The following DHX37 variants were observed in gnomAD, a reference collection of about 807,000 sequenced individuals.
DHX37 encodes probable ATP-dependent RNA helicase DHX37.
In DHX37, 52 loss-of-function variants were observed where a neutral mutation model predicts 134.3. That is an observed-to-expected ratio of 0.39 (90% CI 0.31 to 0.49). The LOEUF (loss-of-function observed/expected upper bound fraction) is 0.49. Ranked by LOEUF, DHX37 falls within the 20% of genes least tolerant of loss-of-function variation. The probability of loss-of-function intolerance (pLI) is 0.93; values close to 1 mark genes in which losing one functional copy is unlikely to be tolerated. For synonymous variants in DHX37, 634 were observed against 670.7 expected (o/e 0.95, Z 0.85); for missense variants, 1,344 against 1,580.8 (o/e 0.85, Z 2.54).
chr12:124,977,796 G>A (rs538092113), intron 4 of DHX37, among the ~76,000 whole-genome samples: 2 of 152,268 alleles, frequency 1.3e-5, no homozygotes, highest in South Asian at 2.1e-4. Context: ...CAGCCACTTC[G>A]ATAAATAATC....
intron 1 of DHX37, among the ~76,000 whole-genome samples, chr12:124,987,002 C>T (rs1200410127): frequency 6.6e-6 from 1 of 152,178 alleles, no homozygotes; most frequent in Non-Finnish European, 1.5e-5. Flanking sequence ...CCGCCTCAGC[C>T]TCCCAAAGTG....
At chr12:124,977,647 C>T (rs915429374) in intron 4 of DHX37, 157 bp from the exon 5 acceptor site, 20 of 442,028 alleles carry the variant, frequency 4.5e-5, no homozygotes, top group African/African-American at 1.9e-4. Flanking sequence ...AGCCATGGTC[C>T]AGGAGAGACA....
chr12:124,965,588 C>CG (rs1224988003), intron 13 of DHX37, 80 bp downstream of exon 13: 25 of 1,466,090 alleles, frequency 1.7e-5, no homozygotes, highest in Admixed American at 2.4e-5. Flanking sequence ...CCCCGGCCCC[C>CG]GGGGGGCCCA....
intron 4 of DHX37, among the ~76,000 whole-genome samples, chr12:124,978,742 T>C (rs976152646): frequency 6.6e-6 from 1 of 151,132 alleles, no homozygotes; most frequent in Non-Finnish European, 1.5e-5. Flanking sequence ...CTGGGCAACA[T>C]AGCCAGACTC....
intron 4 of DHX37, among the ~76,000 whole-genome samples, chr12:124,979,524 A>G (rs1954713977): frequency 6.6e-6 from 1 of 152,264 alleles, no homozygotes; most frequent in Admixed American, 6.5e-5. Flanking sequence ...GCCTGCATCA[A>G]CATGGATGTA....
intron 20 of DHX37, chr12:124,953,668 A>C (rs977372143): frequency 4.9e-6 from 4 of 820,906 alleles, no homozygotes; most frequent in Non-Finnish European, 7.3e-6. Context: ...GGGAGGGTGC[A>C]GGCTGGCAGC....
intron 4 of DHX37, among the ~76,000 whole-genome samples, chr12:124,977,725 GCAGT>G (rs1954674803): frequency 6.6e-6 from 1 of 152,196 alleles, no homozygotes. Flanking sequence ...TTGGGGCAGA[GCAGT>G]CTCTCAGAGA....
intron 9 of DHX37, 34 bp from the exon 10 acceptor site, chr12:124,968,682 G>GC (rs1566340865): frequency 6.2e-7 from 1 of 1,613,458 alleles, no homozygotes; most frequent in African/African-American, 1.3e-5. Flanking sequence ...GGGGAGTGGG[G>GC]GGGACACGAG....
Position 124,971,209 on chromosome 12 carries a change from A to G in DHX37, c.1191+93T>C, listed in dbSNP as rs1335802598. On this transcript the variant is annotated intron_variant, in intron 8 of 26. Coordinates refer to ENST00000308736, the MANE Select transcript of DHX37 (RefSeq NM_032656.4). ...CCTGCTCATGGCAGCAGCCCAGGGT[A>G]CAACGGGGAACAGGTGAAGGAAGCC... is the stretch of plus-strand genomic sequence containing the variant. 2.6e-6 allele frequency: 4 copies of G among 1,525,506 alleles called. No individual in the cohort carries two copies. In the African/African-American group the frequency reaches 5.5e-5, roughly 21 times the overall value. 94.5% of individuals were successfully genotyped at this position (1,525,506 alleles called of 1,614,324 possible).
At position 124,989,062 on chromosome 12, in the gene DHX37, G is replaced by C; in HGVS notation, c.-40C>G. 7.8e-7 allele frequency: 1 copy of C among 1,286,666 alleles called. No homozygotes were observed. Among genetic ancestry groups the C allele is most frequent in the East Asian group, 3.0e-5 (1 of 32,860 alleles). The allele number at this position is 1,286,666 out of a possible 1,614,324, so 79.7% of individuals were successfully genotyped here. The stretch of plus-strand genomic sequence containing the variant: ...GGTGGGCGCTCCAGCGGCCGGACCA[G>C]CAGAGCAATCCGAAACCCAGCCCAC... On this transcript the variant is annotated 5_prime_UTR_variant, in exon 1 of 27. Transcript: ENST00000308736.
rs752063031 is a variant in DHX37, at chr12:124,971,417, TG to T, written c.1078-3del. On this transcript the variant is annotated splice_polypyrimidine_tract_variant and splice_region_variant and intron_variant, in intron 7 of 26. Coordinates refer to ENST00000308736, the MANE Select transcript of DHX37 (RefSeq NM_032656.4). ...CTTGTACCGCAGCAGCAGGAAGTCC[TG>T]GGGGGAGGTCCGGGGTGAGGCCCAC... 1.2e-6 allele frequency: 2 copies of T among 1,612,686 alleles called. No homozygotes were observed. Among genetic ancestry groups the T allele is most frequent in the Middle Eastern group, 1.7e-4 (1 of 5,928 alleles).
intron 11 of DHX37, 68 bp downstream of exon 11, chr12:124,967,055 C>A: frequency 6.3e-7 from 1 of 1,582,450 alleles, no homozygotes; most frequent in South Asian, 1.1e-5. Context: ...GAGCTGCACC[C>A]CAGCCAGGGA....
intron 16 of DHX37, among the ~76,000 whole-genome samples, chr12:124,959,753 T>C (rs1488363658): frequency 2.0e-5 from 3 of 152,118 alleles, no homozygotes; most frequent in Non-Finnish European, 4.4e-5. Context: ...TCCAGAAAAA[T>C]CAGTGAGCAC....
intron 8 of DHX37, among the ~76,000 whole-genome samples, 167 bp from the exon 9 acceptor site, chr12:124,969,135 C>T (rs945678661): frequency 2.6e-5 from 4 of 152,100 alleles, no homozygotes; most frequent in African/African-American, 9.7e-5. Context: ...AATAGTGGGA[C>T]CTGCCGCTCC....
At chr12:124,963,201 G>A (rs936832173) in intron 15 of DHX37, among the ~76,000 whole-genome samples, 4 of 152,180 alleles carry the variant, frequency 2.6e-5, no homozygotes, top group Non-Finnish European at 5.9e-5. Context: ...CCTGCCACCC[G>A]GGGTGAGCCT....
At chr12:124,958,417 C>T (rs1276113189) in intron 16 of DHX37, among the ~76,000 whole-genome samples, 1 of 152,096 alleles carries the variant, frequency 6.6e-6, no homozygotes. Context: ...GGAGGCACTC[C>T]CGACAGTGCT....
intron 1 of DHX37, 105 bp downstream of exon 1, chr12:124,988,812 G>T: frequency 1.7e-6 from 1 of 585,518 alleles, no homozygotes; most frequent in East Asian, 3.3e-5. Flanking sequence ...CATTCCAGAT[G>T]ATCCATCCCA....
chr12:124,976,794 C>A (rs1356415016), intron 5 of DHX37, among the ~76,000 whole-genome samples: 1 of 145,332 alleles, frequency 6.9e-6, no homozygotes, highest in Non-Finnish European at 1.5e-5. Context: ...CGCGCCACTA[C>A]ACTCCAGCCT....
Position 124,980,328 on chromosome 12 carries a change from C to T in DHX37, c.738+162G>A, listed in dbSNP as rs986743389. 6.6e-6 allele frequency among the ~76,000 whole-genome samples: 1 copy of T among 152,264 alleles called. No individual in the cohort carries two copies. Among genetic ancestry groups the T allele is most frequent in the African/African-American group, 2.4e-5 (1 of 41,482 alleles). ...ACTGTGATCCTCCTCGCGCACCAATCCCTGCCACAGCCTCAAGGGAGGCGC... is the reference window on the plus strand; with the variant it reads ...ACTGTGATCCTCCTCGCGCACCAATTCCTGCCACAGCCTCAAGGGAGGCGC... On this transcript the variant is annotated intron_variant, in intron 4 of 26. Coordinates refer to ENST00000308736, the MANE Select transcript of DHX37 (RefSeq NM_032656.4). The surrounding 1 kb of genome is among the most constrained non-coding windows in gnomAD (Gnocchi z 5.3).
Sources: allele counts gnomAD v4.1 joint callset (sites outside exome capture counted in the v4.1 genomes callset), GRCh38; gene constraint gnomAD v4.1.1; non-coding constraint Gnocchi (gnomAD v3.1); transcripts MANE v1.5; gene names NCBI Gene and HGNC (gene_info 2026-07-23, HGNC 2026-07-21).